CCSER1: variants seen among roughly 807,000 people sequenced by gnomAD.
CCSER1 encodes coiled-coil serine rich protein 1, also known as serine-rich coiled-coil domain-containing protein 1.
CCSER1 carries 41 observed loss-of-function variants against 82.0 expected under a neutral mutation model. The ratio of observed to expected loss-of-function variants is 0.50; its 90% CI spans 0.39 to 0.65. CCSER1 has a LOEUF of 0.65. CCSER1 is among the 30% of genes least tolerant of loss of function. CCSER1 has a pLI of 0.00. For missense variants in CCSER1, 1,119 were observed against 1,064.2 expected, an observed-to-expected ratio of 1.05 and a Z score of -0.72; for synonymous variants, 414 against 383.9, an observed-to-expected ratio of 1.08 and a Z score of -0.92.
intron 10 of CCSER1, among the ~76,000 whole-genome samples, chr4:91,340,803 A>G (rs903193264): frequency 3.0e-4 from 45 of 152,340 alleles, no homozygotes; most frequent in African/African-American, 1.0e-3. Context: ...ATATCAATTC[A>G]CAGTGGGCAC....
rs11378537 is a variant in CCSER1 at position 91,085,107 on chromosome 4, C to CTT, written c.2173-832_2173-831dup. Among the ~76,000 whole-genome samples the CTT allele has an allele frequency of 9.6e-4, 139 of 145,540 alleles. 2 individuals carry two copies. The highest frequency in any genetic ancestry group is 4.5e-3 in the Admixed American group (66 of 14,624). On this transcript the variant is annotated intron_variant, in intron 9 of 10. Coordinates refer to ENST00000509176, the MANE Select transcript of CCSER1 (RefSeq NM_001145065.2). ...TCTAGTGCATCTTTACTACAGGACA[C>CTT]TTTTTTTTTTTTACCTTATACATTG...
intron 10 of CCSER1, among the ~76,000 whole-genome samples, chr4:91,490,873 CATATATATATATATATATATATAT>C (rs778476142): frequency 0.036 from 583 of 16,418 alleles, 32 homozygotes; most frequent in Middle Eastern, 0.11. Flanking sequence ...TCAGGCACTC[CATATATATATATATATATATATAT>C]ATATATATAT....
intron 7 of CCSER1, among the ~76,000 whole-genome samples, chr4:90,743,202 A>G (rs1746838417): frequency 1.3e-5 from 2 of 152,200 alleles, no homozygotes; most frequent in African/African-American, 4.8e-5. Flanking sequence ...GGAAAGGTAC[A>G]ATGTGTTTTA....
At chr4:91,399,876 C>T (rs1752214947) in intron 10 of CCSER1, among the ~76,000 whole-genome samples, 1 of 151,982 alleles carries the variant, frequency 6.6e-6, no homozygotes, top group South Asian at 2.1e-4. Context: ...TACCTTTCCT[C>T]TGAACGTTTT....
At chr4:91,304,898 A>G (rs971764221) in intron 10 of CCSER1, among the ~76,000 whole-genome samples, 1 of 152,082 alleles carries the variant, frequency 6.6e-6, no homozygotes, top group Non-Finnish European at 1.5e-5. Context: ...ATTCAATTAT[A>G]TGGTGAATCA....
intron 4 of CCSER1, among the ~76,000 whole-genome samples, chr4:90,429,157 TAA>T (rs1253340241): frequency 1.3e-5 from 2 of 151,834 alleles, no homozygotes; most frequent in Non-Finnish European, 3.0e-5. Context: ...TTTAAAAAAA[TAA>T]AGTCTATTAA....
chr4:90,745,552 A>G (rs1747275201), intron 7 of CCSER1, among the ~76,000 whole-genome samples: 1 of 152,098 alleles, frequency 6.6e-6, no homozygotes, highest in African/African-American at 2.4e-5. Flanking sequence ...TTCTGTCCAT[A>G]AATATTGAGC....
chr4:90,251,166 C>T (rs906281603), intron 1 of CCSER1, among the ~76,000 whole-genome samples: 1 of 151,770 alleles, frequency 6.6e-6, no homozygotes, highest in Admixed American at 6.6e-5. Flanking sequence ...AATAGAGGTA[C>T]ATTTATTTCT....
At chr4:90,206,763 C>G (rs987735765) in intron 1 of CCSER1, among the ~76,000 whole-genome samples, 13 of 70,964 alleles carry the variant, frequency 1.8e-4, no homozygotes, top group African/African-American at 1.5e-3. Context: ...AATTTTCTGT[C>G]TCATTGATCT....
chr4:90,555,493 T>C (rs1778022504), intron 5 of CCSER1, among the ~76,000 whole-genome samples: 1 of 152,154 alleles, frequency 6.6e-6, no homozygotes, highest in South Asian at 2.1e-4. Context: ...TTTTGCTATT[T>C]GTGATTAAAT....
At chr4:90,614,631 A>AG (rs1405474570) in intron 5 of CCSER1, among the ~76,000 whole-genome samples, 1 of 152,190 alleles carries the variant, frequency 6.6e-6, no homozygotes, top group Non-Finnish European at 1.5e-5. Context: ...TCCAGAGAAA[A>AG]GCCCTAACTC....
chr4:91,467,692 G>T (rs529803585), intron 10 of CCSER1, among the ~76,000 whole-genome samples: 3 of 152,186 alleles, frequency 2.0e-5, no homozygotes, highest in African/African-American at 7.2e-5. Flanking sequence ...GTGGGCAAAG[G>T]ATATGAACAG....
chr4:91,096,849 C>T (rs536796487), intron 10 of CCSER1, among the ~76,000 whole-genome samples: 1 of 152,184 alleles, frequency 6.6e-6, no homozygotes, highest in African/African-American at 2.4e-5. Context: ...TCGTTTATAC[C>T]AAAACAAAAT....
rs76349082 is a variant in CCSER1 at position 91,196,059 on chromosome 4, C to T, written c.2217+110065C>T. Among the ~76,000 whole-genome samples, 1,408 of 151,816 alleles carry T rather than the reference C, an allele frequency of 9.3e-3. 58 individuals are homozygous for T. Among genetic ancestry groups the T allele is most frequent in the Admixed American group, 0.067 (1,025 of 15,268 alleles). ...AAAATTAGTCGGGTTCGGTGGCGGGCGCCTGTAGTCCCAGCTACGCGGGAG... is the reference window on the plus strand; with the variant it reads ...AAAATTAGTCGGGTTCGGTGGCGGGTGCCTGTAGTCCCAGCTACGCGGGAG... On this transcript the variant is annotated intron_variant, in intron 10 of 10. Transcript: ENST00000509176.
In CCSER1 at chr4:90,144,028, T is replaced by G. The variant is rs140088431; in HGVS notation, c.-42+16197T>G. 5.9e-3 allele frequency among the ~76,000 whole-genome samples: 904 copies of G among 152,320 alleles called. 13 individuals carry two copies. The highest frequency in any genetic ancestry group is 0.02 in the African/African-American group (851 of 41,560). Reference sequence around the variant, plus strand: ...TTATCATCACATTTCCTGGTCTGTATTCCCATTACTTGTAAAGCCACTTCA... The same window carrying G: ...TTATCATCACATTTCCTGGTCTGTAGTCCCATTACTTGTAAAGCCACTTCA... On this transcript the variant is annotated intron_variant, in intron 1 of 10. Transcript: ENST00000509176.
At chr4:91,094,866 C>T (rs747403796) in intron 10 of CCSER1, among the ~76,000 whole-genome samples, 3 of 152,080 alleles carry the variant, frequency 2.0e-5, no homozygotes, top group Non-Finnish European at 4.4e-5. Flanking sequence ...TGTAAAGAGC[C>T]CTGTTTTGTA....
chr4:90,565,979 T>A (rs1779322668), intron 5 of CCSER1, among the ~76,000 whole-genome samples: 1 of 151,186 alleles, frequency 6.6e-6, no homozygotes, highest in South Asian at 2.1e-4. Context: ...TCCTGCCTCA[T>A]CCCTAGTAGC....
intron 10 of CCSER1, among the ~76,000 whole-genome samples, chr4:91,143,230 G>T (rs751377615): frequency 2.0e-5 from 3 of 150,136 alleles, no homozygotes; most frequent in African/African-American, 7.3e-5. Context: ...GTATTTTTTT[G>T]TGTGTGCGGC....
At chr4:91,073,255 T>C (rs1294408102) in intron 9 of CCSER1, among the ~76,000 whole-genome samples, 2 of 152,114 alleles carry the variant, frequency 1.3e-5, no homozygotes, top group East Asian at 3.8e-4. Context: ...TTTTCAAACA[T>C]GTGCTTTAGA....
Sources: allele counts gnomAD v4.1 joint callset (sites outside exome capture counted in the v4.1 genomes callset), GRCh38; gene constraint gnomAD v4.1.1; transcripts MANE v1.5; gene names NCBI Gene and HGNC (gene_info 2026-07-23, HGNC 2026-07-21).